DPYD: variants seen among roughly 807,000 people sequenced by gnomAD.
DPYD encodes dihydropyrimidine dehydrogenase.
In DPYD, 109 loss-of-function variants were observed where a neutral mutation model predicts 116.2. That is an observed-to-expected ratio of 0.94 (90% CI 0.80 to 1.10). The LOEUF (loss-of-function observed/expected upper bound fraction) is 1.10, where lower values mean the gene tolerates loss of function less well. DPYD is among the 50% of genes least tolerant of loss of function. The probability of loss-of-function intolerance (pLI) is 0.00; values close to 1 mark genes in which losing one functional copy is unlikely to be tolerated. For synonymous variants in DPYD, 440 were observed against 432.0 expected, an observed-to-expected ratio of 1.02 and a Z score of -0.23; for missense variants, 1,302 against 1,254.5, an observed-to-expected ratio of 1.04 and a Z score of -0.57.
chr1:97,916,681 C>T (rs914711989), intron 1 of DPYD, among the ~76,000 whole-genome samples: 2 of 152,124 alleles, frequency 1.3e-5, no homozygotes, highest in Non-Finnish European at 2.9e-5. Flanking sequence ...TCATTAATCT[C>T]CCAGATTTTA....
At position 97,699,445 on chromosome 1, in the gene DPYD, C is replaced by T. The variant is rs2100971795; in HGVS notation, c.586G>A (p.Gly196Arg). The stretch of plus-strand genomic sequence containing the variant: ...GAAGCACAACTTATACTTGCAGGCC[C>T]AGCACCAAAAAGAGCAATCTTTGCA... ...YSAKIALFGAGPASISCASFL... is the reference protein window; with the variant it reads ...YSAKIALFGARPASISCASFL... Residue 196 changes from glycine to arginine, a missense_variant, in exon 6 of 23, where the codon GGG becomes AGG. Transcript: ENST00000370192. 5 of 1,613,642 alleles carry T rather than the reference C, an allele frequency of 3.1e-6. No individual in the cohort carries two copies. Among genetic ancestry groups the T allele is most frequent in the East Asian group, 4.5e-5 (2 of 44,862 alleles).
At chr1:97,554,661 A>G (rs1032760892) in intron 11 of DPYD, among the ~76,000 whole-genome samples, 2 of 152,140 alleles carry the variant, frequency 1.3e-5, no homozygotes, top group Non-Finnish European at 2.9e-5. Flanking sequence ...TTCTGTTTAA[A>G]TAGAATAACC....
chr1:97,875,568 G>A (rs1671870873), intron 2 of DPYD, among the ~76,000 whole-genome samples: 1 of 151,930 alleles, frequency 6.6e-6, no homozygotes, highest in African/African-American at 2.4e-5. Flanking sequence ...TACAATGAAA[G>A]ACTCCACCTC....
At chr1:97,336,557 T>A (rs1013014240) in intron 16 of DPYD, among the ~76,000 whole-genome samples, 8 of 152,192 alleles carry the variant, frequency 5.3e-5, no homozygotes, top group Non-Finnish European at 1.0e-4. Context: ...AAGACCAGCC[T>A]GGCCAACAAG....
At chr1:97,105,141 T>G (rs1347882189) in intron 20 of DPYD, among the ~76,000 whole-genome samples, 2 of 152,140 alleles carry the variant, frequency 1.3e-5, no homozygotes, top group Non-Finnish European at 2.9e-5. Flanking sequence ...AAAGTAAGTA[T>G]TTTTGAAGAA....
At chr1:97,134,675 C>T (rs1461519596) in intron 20 of DPYD, among the ~76,000 whole-genome samples, 1 of 152,086 alleles carries the variant, frequency 6.6e-6, no homozygotes, top group Non-Finnish European at 1.5e-5. Context: ...TTTGAATGTT[C>T]TATTTTGACA....
intron 15 of DPYD, among the ~76,000 whole-genome samples, chr1:97,381,497 C>A (rs1208645649): frequency 6.6e-6 from 1 of 152,058 alleles, no homozygotes; most frequent in South Asian, 2.1e-4. Flanking sequence ...ATCAAATGAA[C>A]CCAGCATGGA....
At chr1:97,521,973 C>A (rs1320031467) in intron 12 of DPYD, among the ~76,000 whole-genome samples, 14 of 152,080 alleles carry the variant, frequency 9.2e-5, no homozygotes, top group Admixed American at 9.2e-4. Context: ...AAAACCTAGT[C>A]AAATACCTCA....
chr1:97,636,793 T>C (rs562507762), intron 8 of DPYD, among the ~76,000 whole-genome samples: 5 of 152,288 alleles, frequency 3.3e-5, no homozygotes, highest in Admixed American at 2.6e-4. Context: ...TTCTTATTCA[T>C]ATTATCTTAA....
chr1:97,139,507 A>G (rs1279437750), intron 20 of DPYD, among the ~76,000 whole-genome samples: 1 of 152,192 alleles, frequency 6.6e-6, no homozygotes, highest in Non-Finnish European at 1.5e-5. Flanking sequence ...ACTGGGTTCT[A>G]TTCATGGATT....
chr1:97,673,367 A>G (rs1659973136), intron 8 of DPYD, among the ~76,000 whole-genome samples: 2 of 152,158 alleles, frequency 1.3e-5, no homozygotes, highest in Non-Finnish European at 2.9e-5. Flanking sequence ...TACCAAAATT[A>G]TAATAATGTA....
At chr1:97,614,139 T>G (rs536482451) in intron 8 of DPYD, among the ~76,000 whole-genome samples, 2 of 152,156 alleles carry the variant, frequency 1.3e-5, no homozygotes, top group East Asian at 3.9e-4. Flanking sequence ...ATTAAAAATT[T>G]TTTAAAGTTT....
intron 13 of DPYD, among the ~76,000 whole-genome samples, chr1:97,487,177 T>G (rs541933136): frequency 4.5e-4 from 69 of 152,160 alleles, no homozygotes; most frequent in African/African-American, 1.6e-3. Context: ...TTTTGGTATA[T>G]CCACACAATG....
intron 11 of DPYD, among the ~76,000 whole-genome samples, chr1:97,570,918 C>A (rs555307087): frequency 5.9e-5 from 9 of 151,818 alleles, no homozygotes; most frequent in African/African-American, 1.9e-4. Flanking sequence ...TTGTCACATG[C>A]CTGAGCAAAA....
At chr1:97,687,079 T>A (rs547980473) in intron 7 of DPYD, among the ~76,000 whole-genome samples, 1 of 152,228 alleles carries the variant, frequency 6.6e-6, no homozygotes, top group East Asian at 1.9e-4. Flanking sequence ...AAAACCAGCC[T>A]GGCCAACATG....
intron 14 of DPYD, among the ~76,000 whole-genome samples, chr1:97,392,418 G>C (rs1672756206): frequency 6.6e-6 from 1 of 151,660 alleles, no homozygotes; most frequent in African/African-American, 2.4e-5. Flanking sequence ...GCAGTGGTGG[G>C]ATTATAGCTT....
intron 8 of DPYD, among the ~76,000 whole-genome samples, chr1:97,617,228 T>A (rs1656342256): frequency 6.6e-6 from 1 of 152,154 alleles, no homozygotes; most frequent in Non-Finnish European, 1.5e-5. Flanking sequence ...AGTTCGTGTC[T>A]ACAACCTCCA....
chr1:97,721,656 C>A lies in DPYD; in HGVS notation c.337G>T (p.Ala113Ser). Reference protein sequence around the residue: ...SIANKNYYGAAKMIFSDNPLG... With the variant: ...SIANKNYYGASKMIFSDNPLG... ...GGGTTGTCAGAAAATATCATCTTAG[C>A]AGCTCCATAATAGTTCTGCAAAATT... The change falls in exon 5 of 23, where the codon GCT (alanine) becomes TCT (serine). Residue 113 changes from alanine (A) to serine (S), a missense_variant. By Grantham distance (99) the Ala-to-Ser change is moderately conservative. Coordinates refer to ENST00000370192, the MANE Select transcript of DPYD (RefSeq NM_000110.4). The A allele has an allele frequency of 6.2e-7, 1 of 1,611,174 alleles. No individual in the cohort carries two copies. Among genetic ancestry groups the A allele is most frequent in the South Asian group, 1.1e-5 (1 of 91,014 alleles).
At chr1:97,517,014 G>A (rs1648281558) in intron 12 of DPYD, among the ~76,000 whole-genome samples, 1 of 152,054 alleles carries the variant, frequency 6.6e-6, no homozygotes, top group Non-Finnish European at 1.5e-5. Flanking sequence ...AATTTTATAG[G>A]AGTGTGTCTT....
Sources: allele counts gnomAD v4.1 joint callset (sites outside exome capture counted in the v4.1 genomes callset), GRCh38; gene constraint gnomAD v4.1.1; transcripts MANE v1.5; gene names NCBI Gene and HGNC (gene_info 2026-07-23, HGNC 2026-07-21).